The following ACBD6 variants were observed in gnomAD, a reference collection of about 807,000 sequenced individuals.
ACBD6 encodes the protein acyl-CoA binding domain containing 6.
In ACBD6, 28 loss-of-function variants were observed where a neutral mutation model predicts 37.2. The observed-to-expected ratio is 0.75, with a 90% CI of 0.56 to 1.03. The LOEUF (loss-of-function observed/expected upper bound fraction) is 1.03. Among genes scored for constraint, ACBD6 ranks in the 50% least tolerant of loss-of-function variants. The pLI is 0.00. For missense variants in ACBD6, 340 were observed against 337.4 expected (o/e 1.01, Z -0.06); for synonymous variants, 113 against 126.8 (o/e 0.89, Z 0.73).
At chr1:180,271,755 G>T in exon 14 of ACBD6, 1 of 1,533,634 alleles carries the variant, frequency 6.5e-7, no homozygotes, top group South Asian at 1.1e-5. Flanking sequence ...TCTGCTTCCA[G>T]CCGCCCGCCT....
intron 3 of ACBD6, among the ~76,000 whole-genome samples, chr1:180,465,112 A>C (rs1650297312): frequency 6.6e-6 from 1 of 152,128 alleles, no homozygotes; most frequent in African/African-American, 2.4e-5. Context: ...CATCCTGGAC[A>C]CAGCAAAGAT....
chr1:180,312,945 G>A (rs530068656), intron 7 of ACBD6, among the ~76,000 whole-genome samples: 4 of 152,138 alleles, frequency 2.6e-5, no homozygotes, highest in African/African-American at 4.8e-5. Context: ...TCTGGCTTAC[G>A]AGCAGGCTTA....
intron 6 of ACBD6, among the ~76,000 whole-genome samples, chr1:180,339,672 AAAGTAT>A (rs1651898740): frequency 6.6e-6 from 1 of 152,222 alleles, no homozygotes; most frequent in Non-Finnish European, 1.5e-5. Flanking sequence ...CCTAAAACTT[AAAGTAT>A]AATTAAAAAA....
intron 6 of ACBD6, among the ~76,000 whole-genome samples, chr1:180,325,341 AATTCTGCT>A (rs1381973997): frequency 6.6e-6 from 1 of 152,152 alleles, no homozygotes; most frequent in African/African-American, 2.4e-5. Context: ...TCTTCTGCTT[AATTCTGCT>A]ATTAAGAGAC....
At chr1:180,413,510 A>T (rs568161673) in intron 4 of ACBD6, 39 bp from the exon 5 acceptor site, 1 of 1,415,750 alleles carries the variant, frequency 7.1e-7, no homozygotes, top group East Asian at 2.3e-5. Context: ...TTACTGGGTA[A>T]TACATTAAAG....
At chr1:180,350,041 T>G (rs1652349867) in intron 6 of ACBD6, among the ~76,000 whole-genome samples, 1 of 141,236 alleles carries the variant, frequency 7.1e-6, no homozygotes. Context: ...TTTTTTTTTT[T>G]TTTGAGCAGA....
chr1:180,438,866 C>T (rs934792117), intron 3 of ACBD6, among the ~76,000 whole-genome samples: 10 of 152,152 alleles, frequency 6.6e-5, no homozygotes, highest in Admixed American at 3.9e-4. Flanking sequence ...CGGTACCATT[C>T]AGAATAGTTT....
At chr1:180,501,554 G>A (rs904245398) in intron 1 of ACBD6, among the ~76,000 whole-genome samples, 1 of 152,108 alleles carries the variant, frequency 6.6e-6, no homozygotes, top group African/African-American at 2.4e-5. Flanking sequence ...CCGACCTCAG[G>A]TGATCCTCCC....
intron 3 of ACBD6, among the ~76,000 whole-genome samples, chr1:180,462,969 T>G (rs569149886): frequency 6.6e-6 from 1 of 152,278 alleles, no homozygotes; most frequent in African/African-American, 2.4e-5. Flanking sequence ...ACCTTGCTCC[T>G]GAATAACTTT....
chr1:180,283,120 T>A (rs1318334676), intron 8 of ACBD6, among the ~76,000 whole-genome samples: 2 of 152,176 alleles, frequency 1.3e-5, no homozygotes, highest in Non-Finnish European at 2.9e-5. Context: ...ATCCTGTGTG[T>A]GTGCATAAGC....
At chr1:180,323,303 T>G (rs572850732) in intron 6 of ACBD6, among the ~76,000 whole-genome samples, 1 of 152,214 alleles carries the variant, frequency 6.6e-6, no homozygotes, top group Admixed American at 6.5e-5. Context: ...AGTTTTTGAA[T>G]AAGACTTATT....
At chr1:180,348,805 C>A (rs1035574496) in intron 6 of ACBD6, among the ~76,000 whole-genome samples, 4 of 152,266 alleles carry the variant, frequency 2.6e-5, no homozygotes, top group Admixed American at 6.5e-5. Context: ...TATTCCATAG[C>A]CTTCTAAACC....
intron 6 of ACBD6, among the ~76,000 whole-genome samples, chr1:180,319,341 T>C (rs897275037): frequency 6.6e-6 from 1 of 152,214 alleles, no homozygotes; most frequent in African/African-American, 2.4e-5. Flanking sequence ...CTCACTGTTT[T>C]TCTTTAAACT....
intron 4 of ACBD6, among the ~76,000 whole-genome samples, chr1:180,424,780 C>G (rs1192805182): frequency 6.6e-6 from 1 of 152,012 alleles, no homozygotes; most frequent in African/African-American, 2.4e-5. Context: ...AAGAAGAAAA[C>G]AGAGAGGAAG....
exon 14 of ACBD6, chr1:180,271,175 C>A: frequency 1.6e-6 from 1 of 643,468 alleles, no homozygotes; most frequent in Admixed American, 2.3e-5. Flanking sequence ...GCTGTCCTCA[C>A]TTTTCAGTGG....
At chr1:180,370,260 G>A (rs937198833) in intron 6 of ACBD6, among the ~76,000 whole-genome samples, 14 of 152,158 alleles carry the variant, frequency 9.2e-5, no homozygotes. Context: ...AAGGGAGTGA[G>A]GTTAGGTCAG....
At position 180,401,909 on chromosome 1, in the gene ACBD6, C is replaced by T. The variant is rs554919744; in HGVS notation, c.574-4304G>A. On this transcript the variant is annotated intron_variant, in intron 5 of 7. Coordinates refer to ENST00000367595, the MANE Select transcript of ACBD6 (RefSeq NM_032360.4). ...TCAAATACAAAGTACATATACCATACGTATAACAGATAAAAACATGGCAAA... is the reference window on the plus strand; with the variant it reads ...TCAAATACAAAGTACATATACCATATGTATAACAGATAAAAACATGGCAAA... Among the ~76,000 whole-genome samples the T allele has an allele frequency of 2.0e-5, 3 of 151,958 alleles. No homozygotes were observed. In the East Asian group the frequency reaches 5.8e-4, roughly 29 times the overall value.
intron 6 of ACBD6, among the ~76,000 whole-genome samples, chr1:180,356,831 A>G (rs1652647076): frequency 7.0e-6 from 1 of 143,144 alleles, no homozygotes; most frequent in East Asian, 2.1e-4. Flanking sequence ...AGCCTGGGCA[A>G]CAGAGCCAGA....
chr1:180,320,514 C>A (rs1271397250), intron 6 of ACBD6, among the ~76,000 whole-genome samples: 1 of 152,120 alleles, frequency 6.6e-6, no homozygotes, highest in Non-Finnish European at 1.5e-5. Context: ...TGGCTCACAC[C>A]TGTAATCCCA....
Sources: gnomAD v4.1 joint callset for allele counts (sites outside exome capture counted in the v4.1 genomes callset) on GRCh38, gnomAD v4.1.1 for gene constraint, MANE v1.5 for transcripts, NCBI Gene and HGNC (gene_info 2026-07-23, HGNC 2026-07-21) for gene names.